The following ZFHX3 variants were observed in gnomAD, a reference collection of about 807,000 sequenced individuals.
The protein encoded by ZFHX3 is zinc finger homeobox 3, also known as zinc finger homeobox protein 3.
In ZFHX3, 42 loss-of-function variants were observed where a neutral mutation model predicts 279.1. That is an observed-to-expected ratio of 0.15 (90% CI 0.12 to 0.19). ZFHX3 has a LOEUF of 0.19. ZFHX3 is among the 10% of genes least tolerant of loss of function. ZFHX3 has a pLI of 1.00. For missense variants in ZFHX3, 4,981 were observed against 4,754.0 expected (o/e 1.05, Z -1.40); for synonymous variants, 2,293 against 1,957.8 (o/e 1.17, Z -4.52).
intron 1 of ZFHX3, among the ~76,000 whole-genome samples, chr16:72,982,967 G>A (rs1311509404): frequency 6.6e-6 from 1 of 152,184 alleles, no homozygotes. Flanking sequence ...GACCAGTGGG[G>A]GTAACGTAAA....
chr16:73,617,508 C>A, intron 2 of ZFHX3, among the ~76,000 whole-genome samples: 1 of 152,152 alleles, frequency 6.6e-6, no homozygotes, highest in Non-Finnish European at 1.5e-5. Flanking sequence ...GAAAACTGAC[C>A]ATCTACTTCA....
At chr16:73,559,536 C>A (rs2020338879) in intron 2 of ZFHX3, among the ~76,000 whole-genome samples, 1 of 152,146 alleles carries the variant, frequency 6.6e-6, no homozygotes, top group African/African-American at 2.4e-5. Flanking sequence ...AATGAGTTGT[C>A]AGAAGAGCGA....
chr16:73,710,411 C>T (rs2452444), intron 1 of ZFHX3, among the ~76,000 whole-genome samples: 126,254 of 152,098 alleles, frequency 0.83, 53,735 homozygotes, highest in Non-Finnish European at 0.92. Context: ...TAATTTTCAC[C>T]CCCAAATCTG....
intron 2 of ZFHX3, among the ~76,000 whole-genome samples, chr16:73,640,553 CA>C (rs1164446401): frequency 1.4e-4 from 21 of 152,070 alleles, no homozygotes; most frequent in African/African-American, 5.1e-4. Flanking sequence ...ACATTATACA[CA>C]TATGAACAAT....
At chr16:73,147,519 C>G (rs1023920131) in intron 5 of ZFHX3, among the ~76,000 whole-genome samples, 2 of 150,844 alleles carry the variant, frequency 1.3e-5, no homozygotes, top group Non-Finnish European at 3.0e-5. Context: ...GGTGAAACCC[C>G]GTCTCTACTA....
At position 72,879,106 on chromosome 16, in the gene ZFHX3, C is replaced by T. The variant is rs923087960; in HGVS notation, c.3448+10625G>A. 3.3e-5 allele frequency among the ~76,000 whole-genome samples: 5 copies of T among 152,118 alleles called. No individual in the cohort carries two copies. In the East Asian group the frequency reaches 5.8e-4, roughly 18 times the overall value. ...TTGCCCTGGAAGCGCAAGTGAAGGA[C>T]GGGCTCCGAATGAAAGCTACACAAG... On this transcript the variant is annotated intron_variant, in intron 4 of 9. Coordinates refer to ENST00000268489, the MANE Select transcript of ZFHX3 (RefSeq NM_006885.4).
intron 1 of ZFHX3, among the ~76,000 whole-genome samples, chr16:73,842,951 C>A (rs1423352427): frequency 2.0e-5 from 3 of 152,206 alleles, no homozygotes; most frequent in Non-Finnish European, 2.9e-5. Flanking sequence ...AATGGAACCC[C>A]CACTTTACGA....
At chr16:73,461,283 C>A (rs1004812057) in intron 2 of ZFHX3, among the ~76,000 whole-genome samples, 1 of 152,032 alleles carries the variant, frequency 6.6e-6, no homozygotes, top group Admixed American at 6.5e-5. Flanking sequence ...TTTAAGTGTT[C>A]TTTATATAGT....
At chr16:72,992,848 G>C (rs947683314) in intron 1 of ZFHX3, among the ~76,000 whole-genome samples, 1 of 152,202 alleles carries the variant, frequency 6.6e-6, no homozygotes, top group Non-Finnish European at 1.5e-5. Flanking sequence ...ATCAAAAACT[G>C]CAGAAAGGCC....
intron 3 of ZFHX3, among the ~76,000 whole-genome samples, chr16:72,927,243 A>C (rs1008071311): frequency 1.3e-5 from 2 of 152,196 alleles, no homozygotes; most frequent in Admixed American, 6.5e-5. Context: ...TTTTTATTTA[A>C]ATTTGTTTAG....
chr16:73,602,710 G>C (rs889388573), intron 2 of ZFHX3, among the ~76,000 whole-genome samples: 1 of 152,064 alleles, frequency 6.6e-6, no homozygotes, highest in Admixed American at 6.6e-5. Context: ...ACTTTGGGAG[G>C]CTCAGGGGGG....
chr16:72,831,965 A>G (rs2143733415), intron 4 of ZFHX3, among the ~76,000 whole-genome samples: 1 of 152,332 alleles, frequency 6.6e-6, no homozygotes, highest in Admixed American at 6.5e-5. Context: ...AATCTCCAGC[A>G]TAAATGGGAT....
chr16:72,868,107 G>A (rs2038067849), intron 4 of ZFHX3, among the ~76,000 whole-genome samples: 1 of 152,198 alleles, frequency 6.6e-6, no homozygotes, highest in South Asian at 2.1e-4. Context: ...GCCAAACGAG[G>A]CTGTCCAATC....
intron 2 of ZFHX3, among the ~76,000 whole-genome samples, chr16:72,955,781 A>C (rs1040678844): frequency 2.0e-5 from 3 of 151,464 alleles, no homozygotes; most frequent in African/African-American, 7.3e-5. Context: ...TGTCTCAAAA[A>C]AAAAAAAAAA....
chr16:73,849,368 T>G (rs1228234686), intron 1 of ZFHX3, among the ~76,000 whole-genome samples: 3 of 152,224 alleles, frequency 2.0e-5, no homozygotes, highest in Non-Finnish European at 1.5e-5. Context: ...CCTTCTCCCC[T>G]GTTGTGATTT....
intron 3 of ZFHX3, among the ~76,000 whole-genome samples, chr16:73,421,778 G>A (rs1401194135): frequency 6.6e-6 from 1 of 152,264 alleles, no homozygotes; most frequent in South Asian, 2.1e-4. Context: ...GTCTGGGTGG[G>A]GGATGGGTTT....
intron 1 of ZFHX3, among the ~76,000 whole-genome samples, chr16:73,693,746 C>G (rs376105358): frequency 1.2e-4 from 18 of 152,142 alleles, no homozygotes; most frequent in African/African-American, 4.3e-4. Context: ...TTACATTACA[C>G]AAAATAAAAT....
chr16:73,653,310 C>T (rs995520033), intron 2 of ZFHX3, among the ~76,000 whole-genome samples: 3 of 152,138 alleles, frequency 2.0e-5, no homozygotes, highest in Non-Finnish European at 2.9e-5. Context: ...ACACACAGAA[C>T]ACTTACAAAA....
At chr16:73,588,947 T>G (rs1012017286) in intron 2 of ZFHX3, among the ~76,000 whole-genome samples, 1 of 151,592 alleles carries the variant, frequency 6.6e-6, no homozygotes, top group African/African-American at 2.4e-5. Context: ...CAGAGTCTGG[T>G]TCAAATAAAA....
Sources: gnomAD v4.1 joint callset for allele counts (sites outside exome capture counted in the v4.1 genomes callset) on GRCh38, gnomAD v4.1.1 for gene constraint, MANE v1.5 for transcripts, NCBI Gene and HGNC (gene_info 2026-07-23, HGNC 2026-07-21) for gene names.